GALNT14: variants seen among roughly 807,000 people sequenced by gnomAD.
GALNT14 encodes UDP-GalNAc:polypeptide N-acetylgalactosaminyltransferase 14.
In GALNT14, 60 loss-of-function variants were observed where a neutral mutation model predicts 77.5. The observed-to-expected ratio is 0.77, with a 90% CI of 0.63 to 0.96. The LOEUF (loss-of-function observed/expected upper bound fraction) is 0.96. GALNT14 is among the 40% of genes least tolerant of loss of function. The pLI, the probability that GALNT14 is intolerant of heterozygous loss-of-function variation, is 0.00. For synonymous variants in GALNT14, 280 were observed against 281.7 expected (o/e 0.99, Z 0.06); for missense variants, 710 against 731.0 (o/e 0.97, Z 0.33).
At chr2:31,091,451 A>G (rs1676732186) in intron 1 of GALNT14, among the ~76,000 whole-genome samples, 1 of 152,206 alleles carries the variant, frequency 6.6e-6, no homozygotes, top group East Asian at 1.9e-4. Flanking sequence ...TTTTTAACAG[A>G]AAAGTTTGCC....
chr2:30,944,405 C>A (rs1054465762), intron 8 of GALNT14, among the ~76,000 whole-genome samples: 1 of 152,206 alleles, frequency 6.6e-6, no homozygotes, highest in Non-Finnish European at 1.5e-5. Context: ...GAGAACAGGG[C>A]AGCTGTGCTT....
intron 1 of GALNT14, among the ~76,000 whole-genome samples, chr2:31,088,714 G>A (rs1431577323): frequency 3.3e-5 from 5 of 152,210 alleles, no homozygotes; most frequent in Admixed American, 1.3e-4. Context: ...GCAGTCGGGT[G>A]GGGTTATGTT....
At chr2:31,038,455 G>A (rs986279091) in intron 1 of GALNT14, among the ~76,000 whole-genome samples, 1 of 151,982 alleles carries the variant, frequency 6.6e-6, no homozygotes, top group Non-Finnish European at 1.5e-5. Flanking sequence ...GGTAAGCCTG[G>A]AGCCTGGTTA....
intron 1 of GALNT14, among the ~76,000 whole-genome samples, chr2:31,134,608 C>G (rs57445719): frequency 0.011 from 1,728 of 152,338 alleles, 36 homozygotes; most frequent in African/African-American, 0.039. Flanking sequence ...GTGAGGGGAG[C>G]CTCCTGTGCC....
intron 3 of GALNT14, among the ~76,000 whole-genome samples, chr2:30,958,887 C>A (rs181500922): frequency 6.6e-6 from 1 of 152,208 alleles, no homozygotes; most frequent in African/African-American, 2.4e-5. Flanking sequence ...GTCTCCAGAG[C>A]GAACTTTCTG....
intron 1 of GALNT14, among the ~76,000 whole-genome samples, chr2:31,116,048 T>C (rs996979432): frequency 4.6e-5 from 7 of 152,028 alleles, no homozygotes; most frequent in African/African-American, 1.7e-4. Context: ...AGGATGATAA[T>C]GAATGGGTGA....
intron 1 of GALNT14, among the ~76,000 whole-genome samples, chr2:31,022,281 A>G (rs554228184): frequency 2.0e-5 from 3 of 152,334 alleles, no homozygotes; most frequent in African/African-American, 7.2e-5. Context: ...TAAAACATAT[A>G]CACTGTCACA....
intron 1 of GALNT14, among the ~76,000 whole-genome samples, chr2:31,018,229 G>T (rs541305627): frequency 1.3e-5 from 2 of 152,272 alleles, no homozygotes; most frequent in East Asian, 3.8e-4. Flanking sequence ...AGCCAGCTCC[G>T]AAGGACTTGA....
In GALNT14 at chr2:30,914,345, C is replaced by T. The variant is rs577304926; in HGVS notation, c.1381-2003G>A. On this transcript the variant is annotated intron_variant, in intron 13 of 14. Coordinates refer to ENST00000349752, the MANE Select transcript of GALNT14 (RefSeq NM_024572.4). ...TGAGCTCTTTTAGATAACCTTAATCCGGGGAGAAGACACCTGCCCCTGAGA... is the reference window on the plus strand; with the variant it reads ...TGAGCTCTTTTAGATAACCTTAATCTGGGGAGAAGACACCTGCCCCTGAGA... Among the ~76,000 whole-genome samples, 8 of 152,136 alleles carry T rather than the reference C, an allele frequency of 5.3e-5. No homozygotes were observed. The South Asian group carries it at 6.3e-4, about 12-fold the overall frequency.
intron 1 of GALNT14, among the ~76,000 whole-genome samples, chr2:31,108,822 T>C (rs552548771): frequency 6.6e-6 from 1 of 152,338 alleles, no homozygotes; most frequent in East Asian, 1.9e-4. Flanking sequence ...TGCTCCCTAC[T>C]GAGCTTTGGA....
chr2:31,108,783 G>A lies in GALNT14; in HGVS notation c.129+29175C>T, dbSNP rs569672498. ...GCTGTCATGGCTGGAGGGTCTAGCA[G>A]GCACCCAGCATTCCTGTCGGCAGCT... On this transcript the variant is annotated intron_variant, in intron 1 of 14. Transcript: ENST00000349752. Among the ~76,000 whole-genome samples the A allele has an allele frequency of 2.0e-5, 3 of 152,300 alleles. No homozygotes were observed. In the South Asian group the frequency reaches 6.2e-4, roughly 32 times the overall value.
chr2:31,002,429 C>CA (rs35948358), intron 1 of GALNT14, among the ~76,000 whole-genome samples: 21,753 of 143,232 alleles, frequency 0.15, 1,746 homozygotes, highest in Admixed American at 0.27. Flanking sequence ...GACTCCATTT[C>CA]AAAAAAAAAA....
At chr2:31,089,473 G>A (rs750040470) in intron 1 of GALNT14, among the ~76,000 whole-genome samples, 7 of 152,164 alleles carry the variant, frequency 4.6e-5, no homozygotes, top group Non-Finnish European at 8.8e-5. Context: ...AAGACCAGCT[G>A]CTAAGGGGTT....
intron 1 of GALNT14, among the ~76,000 whole-genome samples, chr2:31,000,043 C>T (rs147705974): frequency 8.0e-4 from 122 of 152,346 alleles, no homozygotes; most frequent in African/African-American, 2.9e-3. Context: ...CTAGTCTGCA[C>T]TTCCACTGTC....
At chr2:31,084,763 G>A (rs973222314) in intron 1 of GALNT14, among the ~76,000 whole-genome samples, 6 of 152,142 alleles carry the variant, frequency 3.9e-5, no homozygotes, top group African/African-American at 2.4e-5. Context: ...GTGGCTTCAC[G>A]CCTGTAATCC....
At chr2:31,130,312 C>A (rs1166308355) in intron 1 of GALNT14, among the ~76,000 whole-genome samples, 1 of 152,154 alleles carries the variant, frequency 6.6e-6, no homozygotes, top group African/African-American at 2.4e-5. Flanking sequence ...GTGTCCAGAG[C>A]GGTGCTCTCA....
intron 1 of GALNT14, among the ~76,000 whole-genome samples, chr2:31,080,219 AAAACC>A (rs769647271): frequency 2.0e-4 from 30 of 152,372 alleles, no homozygotes; most frequent in African/African-American, 2.4e-4. Context: ...GTCAGCAAGA[AAAACC>A]AAACCAAACA....
At chr2:30,941,192 G>T (rs755759857) in intron 9 of GALNT14, among the ~76,000 whole-genome samples, 4 of 152,210 alleles carry the variant, frequency 2.6e-5, no homozygotes, top group African/African-American at 9.6e-5. Context: ...TACCCAGAGA[G>T]GGAAGGGTCC....
At chr2:31,103,389 A>T (rs1453039362) in intron 1 of GALNT14, among the ~76,000 whole-genome samples, 1 of 152,070 alleles carries the variant, frequency 6.6e-6, no homozygotes. Context: ...TAGAAAAGGC[A>T]TGATTGGGGT....
Sources: allele counts gnomAD v4.1 joint callset (sites outside exome capture counted in the v4.1 genomes callset), GRCh38; gene constraint gnomAD v4.1.1; transcripts MANE v1.5; gene names NCBI Gene and HGNC (gene_info 2026-07-23, HGNC 2026-07-21).